SLCO5A1: variants seen among roughly 807,000 people sequenced by gnomAD.
SLCO5A1 encodes solute carrier organic anion transporter family member 5A1.
SLCO5A1 carries 39 observed loss-of-function variants against 65.1 expected under a neutral mutation model. The observed-to-expected ratio is 0.60, with a 90% CI of 0.46 to 0.78. The LOEUF is 0.78. Ranked by LOEUF, SLCO5A1 falls within the 30% of genes least tolerant of loss-of-function variation. The pLI is 0.00. For missense variants in SLCO5A1, 1,029 were observed against 1,069.4 expected (o/e 0.96, Z 0.53); for synonymous variants, 438 against 415.7 (o/e 1.05, Z -0.65).
intron 9 of SLCO5A1, among the ~76,000 whole-genome samples, chr8:69,675,724 T>C (rs1366998904): frequency 6.6e-6 from 1 of 152,176 alleles, no homozygotes; most frequent in Non-Finnish European, 1.5e-5. Context: ...AAGATGCCCT[T>C]TTTAAACATT....
intron 3 of SLCO5A1, among the ~76,000 whole-genome samples, chr8:69,758,470 G>T (rs1394671861): frequency 6.6e-6 from 1 of 151,976 alleles, no homozygotes; most frequent in Admixed American, 6.6e-5. Context: ...GTGAGCCACC[G>T]CACCCGGCAT....
chr8:69,681,132 A>G (rs1813746089), intron 7 of SLCO5A1, among the ~76,000 whole-genome samples: 1 of 152,256 alleles, frequency 6.6e-6, no homozygotes, highest in Non-Finnish European at 1.5e-5. Flanking sequence ...TTCTCAATTT[A>G]TCATTGCAGT....
chr8:69,725,902 A>T (rs916460984), intron 5 of SLCO5A1, among the ~76,000 whole-genome samples: 2 of 152,186 alleles, frequency 1.3e-5, no homozygotes, highest in African/African-American at 4.8e-5. Flanking sequence ...TTCACAAAAA[A>T]TCCTGCTCTG....
intron 2 of SLCO5A1, among the ~76,000 whole-genome samples, chr8:69,821,369 A>G (rs1820632618): frequency 6.6e-6 from 1 of 151,904 alleles, no homozygotes; most frequent in Admixed American, 6.6e-5. Context: ...AAAAAATAAA[A>G]TAAAATTTGC....
intron 2 of SLCO5A1, among the ~76,000 whole-genome samples, chr8:69,810,945 G>A (rs1382389621): frequency 1.3e-5 from 2 of 152,054 alleles, no homozygotes; most frequent in East Asian, 3.9e-4. Context: ...GCACACCCAC[G>A]AACACAGACT....
chr8:69,784,894 G>GAAA (rs1317374849), intron 2 of SLCO5A1, among the ~76,000 whole-genome samples: 6 of 64,388 alleles, frequency 9.3e-5, no homozygotes, highest in Non-Finnish European at 1.4e-4. Context: ...AAAGAAGAAA[G>GAAA]GAAGAAAGAA....
chr8:69,802,535 A>G (rs1479411827), intron 2 of SLCO5A1, among the ~76,000 whole-genome samples: 2 of 151,920 alleles, frequency 1.3e-5, no homozygotes, highest in Non-Finnish European at 1.5e-5. Context: ...AAAAAAAAAA[A>G]AAGTTTTAGT....
intron 7 of SLCO5A1, among the ~76,000 whole-genome samples, chr8:69,681,384 G>A (rs553355456): frequency 5.8e-4 from 88 of 152,102 alleles, no homozygotes; most frequent in African/African-American, 2.0e-3. Context: ...ACCTGAGGTC[G>A]GGAGTTCGAA....
chr8:69,744,607 T>C (rs758674689), intron 4 of SLCO5A1, among the ~76,000 whole-genome samples: 1 of 152,224 alleles, frequency 6.6e-6, no homozygotes, highest in Non-Finnish European at 1.5e-5. Context: ...AAGCTATGAC[T>C]GCAGGACCTT....
At chr8:69,833,486 G>T (rs1316146683) in intron 1 of SLCO5A1, 1 of 152,238 alleles carries the variant, frequency 6.6e-6, no homozygotes, top group Non-Finnish European at 1.5e-5. Flanking sequence ...TGACTCAGAG[G>T]CAGTGTCTTT....
At chr8:69,686,983 G>A (rs528154018) in intron 6 of SLCO5A1, among the ~76,000 whole-genome samples, 111 of 152,260 alleles carry the variant, frequency 7.3e-4, no homozygotes, top group Admixed American at 1.6e-3. Context: ...GGGATTAGGC[G>A]GGTGAATGTA....
At chr8:69,678,384 T>G (rs527925796) in intron 8 of SLCO5A1, among the ~76,000 whole-genome samples, 20 of 152,308 alleles carry the variant, frequency 1.3e-4, no homozygotes, top group African/African-American at 4.6e-4. Context: ...CCCCAGCACC[T>G]GGACCCATTT....
chr8:69,819,220 C>G (rs940842863), intron 2 of SLCO5A1, among the ~76,000 whole-genome samples: 8 of 152,054 alleles, frequency 5.3e-5, no homozygotes, highest in Admixed American at 2.0e-4. Flanking sequence ...TTGGAATAAA[C>G]CGGGCATGCT....
intron 2 of SLCO5A1, among the ~76,000 whole-genome samples, chr8:69,809,264 C>G (rs1331874800): frequency 6.6e-6 from 1 of 152,024 alleles, no homozygotes; most frequent in East Asian, 1.9e-4. Context: ...AAAATTGAAC[C>G]AGCATAATCT....
In SLCO5A1 at chr8:69,673,090, G is replaced by T. The variant is rs117676215; in HGVS notation, c.2326C>A (p.Pro776Thr). The change falls in exon 10 of 10, where the codon CCC becomes ACC. Residue 776 changes from proline (P) to threonine (T), a missense_variant. Transcript: ENST00000260126. ...GLQRRRQREF[P>T]LSTVSERVGH... ...ACTCTCTCACTCACGGTGCTCAGGG[G>T]AAATTCTCTCTGCCTCCGCCTCTGC... 2 of 1,614,224 alleles carry T rather than the reference G, an allele frequency of 1.2e-6. No individual in the cohort carries two copies. The highest frequency in any genetic ancestry group is 2.2e-5 in the East Asian group (1 of 44,878).
Position 69,682,172 on chromosome 8 carries a change from A to C in SLCO5A1, c.1782+12T>G. The C allele has an allele frequency of 8.1e-6, 13 of 1,598,620 alleles. No homozygotes were observed. Among genetic ancestry groups the C allele is most frequent in the Non-Finnish European group, 1.1e-5 (13 of 1,174,142 alleles). On this transcript the variant is annotated intron_variant, in intron 7 of 9. Transcript: ENST00000260126. ...TGGACTAACAGAAGAGGAACTTGTG[A>C]AATATACTCACCCCAGTGCTAAGAT...
At position 69,832,628 on chromosome 8, in the gene SLCO5A1, C is replaced by G. The variant is rs779359895; in HGVS notation, c.46G>C (p.Glu16Gln). 1 of 1,609,514 alleles carries G rather than the reference C, an allele frequency of 6.2e-7. No individual in the cohort carries two copies. Among genetic ancestry groups the G allele is most frequent in the South Asian group, 1.1e-5 (1 of 91,046 alleles). Residue 16 changes from glutamate to glutamine, a missense_variant, in exon 2 of 10, where the codon GAG (glutamate) becomes CAG (glutamine). This residue lies in a region of SLCO5A1 where 647 missense variants were observed against 647.5 expected (regional missense o/e 1.00). Transcript: ENST00000260126. The surrounding 1 kb of genome is among the most constrained non-coding windows in gnomAD (Gnocchi z 4.5). ...GLQPGAGEQL[E>Q]APATAEAVQE... ...ACAGCTTCTGCAGTGGCCGGCGCCT[C>G]CAGCTGCTCTCCCGCCCCGGGCTGC...
intron 2 of SLCO5A1, among the ~76,000 whole-genome samples, chr8:69,771,922 C>T (rs150112301): frequency 3.5e-4 from 53 of 152,316 alleles, no homozygotes; most frequent in Middle Eastern, 3.4e-3. Flanking sequence ...CCAGAGGGCT[C>T]TTTATTCAGC....
intron 6 of SLCO5A1, among the ~76,000 whole-genome samples, chr8:69,696,257 A>T (rs1234378136): frequency 2.0e-5 from 3 of 152,200 alleles, no homozygotes; most frequent in African/African-American, 7.2e-5. Context: ...AAAGCAGAGT[A>T]GGGTTAAAAG....
Sources: gnomAD v4.1 joint callset for allele counts (sites outside exome capture counted in the v4.1 genomes callset) on GRCh38, gnomAD v4.1.1 for gene constraint, gnomAD v4.1.1 regional missense constraint, Gnocchi (gnomAD v3.1) non-coding constraint, MANE v1.5 for transcripts, NCBI Gene and HGNC (gene_info 2026-07-23, HGNC 2026-07-21) for gene names.